TNKS: variants seen among roughly 807,000 people sequenced by gnomAD.
TNKS encodes tankyrase.
TNKS carries 72 observed loss-of-function variants against 135.8 expected under a neutral mutation model. The observed-to-expected ratio is 0.53, with a 90% CI of 0.44 to 0.64. The LOEUF is 0.64. Among genes scored for constraint, TNKS ranks in the 30% least tolerant of loss-of-function variants. The probability of loss-of-function intolerance (pLI) is 0.00; values close to 1 mark genes in which losing one functional copy is unlikely to be tolerated. For missense variants in TNKS, 1,769 were observed against 1,674.0 expected, an observed-to-expected ratio of 1.06 and a Z score of -0.99; for synonymous variants, 849 against 649.3, an observed-to-expected ratio of 1.31 and a Z score of -4.68.
At position 9,747,947 on chromosome 8, in the gene TNKS, T is replaced by A. The variant is rs892679576; in HGVS notation, c.2644-77T>A. 2.2e-6 allele frequency: 3 copies of A among 1,349,730 alleles called. No individual in the cohort carries two copies. The African/African-American group carries it at 4.5e-5, about 20-fold the overall frequency. The allele number at this position is 1,349,730 out of a possible 1,614,324, so 83.6% of individuals were successfully genotyped here. ...AGATACAGAGGAGTGAATTGTTAAA[T>A]AAAAACAGGTATACACAATGGTGCT... On this transcript the variant is annotated intron_variant, in intron 17 of 26. Coordinates refer to ENST00000310430, the MANE Select transcript of TNKS (RefSeq NM_003747.3).
chr8:9,652,237 C>G (rs953209752), intron 3 of TNKS, among the ~76,000 whole-genome samples: 7 of 152,128 alleles, frequency 4.6e-5, no homozygotes, highest in African/African-American at 1.7e-4. Flanking sequence ...TGAGGTTCTT[C>G]TCTGTAATGA....
chr8:9,577,185 G>A (rs972546595), intron 1 of TNKS, among the ~76,000 whole-genome samples: 1 of 151,868 alleles, frequency 6.6e-6, no homozygotes, highest in Non-Finnish European at 1.5e-5. Flanking sequence ...GGTTGAAAAT[G>A]AAAATTGGTA....
intron 2 of TNKS, among the ~76,000 whole-genome samples, chr8:9,602,613 C>T (rs1476818969): frequency 6.6e-6 from 1 of 152,208 alleles, no homozygotes; most frequent in African/African-American, 2.4e-5. Flanking sequence ...CCTACACGCC[C>T]AGCAAAGAAT....
chr8:9,715,368 C>CG (rs1804553516), intron 11 of TNKS, among the ~76,000 whole-genome samples: 1 of 40,516 alleles, frequency 2.5e-5, no homozygotes, highest in Non-Finnish European at 6.7e-5. Flanking sequence ...GCAGGGGGGG[C>CG]GGGTATGATC....
chr8:9,563,700 A>G (rs1005323915), intron 1 of TNKS, among the ~76,000 whole-genome samples: 2 of 152,124 alleles, frequency 1.3e-5, no homozygotes, highest in African/African-American at 4.8e-5. Flanking sequence ...CACATGCTAT[A>G]CGTTCATATC....
chr8:9,594,108 G>A (rs1413972135), intron 2 of TNKS, among the ~76,000 whole-genome samples: 2 of 152,014 alleles, frequency 1.3e-5, no homozygotes, highest in African/African-American at 2.4e-5. Flanking sequence ...GCTGGTCTCA[G>A]ACTCCTGACC....
At chr8:9,766,981 A>C (rs928290274) in intron 25 of TNKS, among the ~76,000 whole-genome samples, 1 of 152,194 alleles carries the variant, frequency 6.6e-6, no homozygotes, top group Non-Finnish European at 1.5e-5. Context: ...AACTCCCTGC[A>C]TCTTGGCTTT....
chr8:9,686,003 G>C (rs1228148163), intron 5 of TNKS, among the ~76,000 whole-genome samples: 2 of 152,000 alleles, frequency 1.3e-5, no homozygotes, highest in African/African-American at 4.8e-5. Flanking sequence ...TCTTTATGTG[G>C]TAGGTTGTTA....
chr8:9,601,574 G>C (rs1484726058), intron 2 of TNKS, among the ~76,000 whole-genome samples: 3 of 152,152 alleles, frequency 2.0e-5, no homozygotes, highest in African/African-American at 7.2e-5. Flanking sequence ...ATGTCTGGGA[G>C]ACAGAGAAAG....
intron 2 of TNKS, among the ~76,000 whole-genome samples, chr8:9,591,186 A>G (rs539438147): frequency 6.6e-6 from 1 of 152,302 alleles, no homozygotes; most frequent in Admixed American, 6.5e-5. Flanking sequence ...AAGCTTAGTA[A>G]TAATTTACTC....
chr8:9,724,003 T>C (rs1049472188), intron 12 of TNKS, among the ~76,000 whole-genome samples: 1 of 152,214 alleles, frequency 6.6e-6, no homozygotes, highest in Non-Finnish European at 1.5e-5. Flanking sequence ...AGTAGTCTAA[T>C]ATTGATCAAA....
At chr8:9,763,833 G>C (rs1199372805) in intron 22 of TNKS, among the ~76,000 whole-genome samples, 1 of 152,158 alleles carries the variant, frequency 6.6e-6, no homozygotes, top group Non-Finnish European at 1.5e-5. Context: ...ATTGTTATAA[G>C]TAAGCTACCC....
Position 9,675,023 on chromosome 8 carries a change from G to C in TNKS, c.995-4928G>C, listed in dbSNP as rs1802477754. 3.3e-5 allele frequency among the ~76,000 whole-genome samples: 5 copies of C among 152,290 alleles called. No individual in the cohort carries two copies. The South Asian group carries it at 1.0e-3, about 32-fold the overall frequency. ...AGTTGTTCTGAATATATTTTTGAAA[G>C]ATCCTGGAGCAAAATAATACAGGTG... On this transcript the variant is annotated intron_variant, in intron 3 of 26. Transcript: ENST00000310430.
intron 2 of TNKS, among the ~76,000 whole-genome samples, chr8:9,582,516 C>G (rs748500858): frequency 9.9e-5 from 15 of 152,210 alleles, no homozygotes; most frequent in Non-Finnish European, 1.9e-4. Flanking sequence ...AGCCAAGCCA[C>G]ATTACCACCA....
At chr8:9,567,391 G>A (rs1324138395) in intron 1 of TNKS, among the ~76,000 whole-genome samples, 2 of 152,118 alleles carry the variant, frequency 1.3e-5, no homozygotes, top group Non-Finnish European at 1.5e-5. Context: ...GAAGAAGGAA[G>A]GATATTTTAG....
intron 17 of TNKS, among the ~76,000 whole-genome samples, chr8:9,742,814 A>G (rs1009684480): frequency 6.6e-5 from 10 of 150,388 alleles, no homozygotes; most frequent in Non-Finnish European, 1.5e-4. Context: ...ATATACATGT[A>G]TATCCTTATA....
intron 3 of TNKS, among the ~76,000 whole-genome samples, chr8:9,626,391 A>C (rs992350020): frequency 7.2e-5 from 11 of 152,160 alleles, no homozygotes; most frequent in African/African-American, 2.7e-4. Flanking sequence ...GCGCTGTGAG[A>C]TTTATGGCAA....
intron 17 of TNKS, chr8:9,741,258 A>T (rs1459385165): frequency 6.5e-6 from 1 of 153,152 alleles, no homozygotes; most frequent in East Asian, 1.9e-4. Context: ...TATAAAGCCA[A>T]TGGGATCGGT....
intron 1 of TNKS, among the ~76,000 whole-genome samples, chr8:9,561,698 T>G (rs1797336330): frequency 6.6e-6 from 1 of 152,204 alleles, no homozygotes; most frequent in African/African-American, 2.4e-5. Context: ...GGATTTTCTT[T>G]CTCTTGGGCA....
Sources: gnomAD v4.1 joint callset for allele counts (sites outside exome capture counted in the v4.1 genomes callset) on GRCh38, gnomAD v4.1.1 for gene constraint, MANE v1.5 for transcripts, NCBI Gene and HGNC (gene_info 2026-07-23, HGNC 2026-07-21) for gene names.